Variants in DDX41 observed in about 807,000 individuals in gnomAD.
DDX41 encodes probable ATP-dependent RNA helicase DDX41.
In DDX41, 50 loss-of-function variants were observed where a neutral mutation model predicts 78.8. The observed-to-expected ratio is 0.63, with a 90% confidence interval of 0.51 to 0.80. DDX41 has a LOEUF of 0.80. Ranked by LOEUF, DDX41 falls within the 30% of genes least tolerant of loss-of-function variation. The probability of loss-of-function intolerance (pLI) is 0.00; values close to 1 mark genes in which losing one functional copy is unlikely to be tolerated. For missense variants in DDX41, 633 were observed against 849.2 expected, an observed-to-expected ratio of 0.75 and a Z score of 3.16; for synonymous variants, 381 against 321.5, an observed-to-expected ratio of 1.19 and a Z score of -1.98.
intron 6 of DDX41, 26 bp from the exon 7 acceptor site, chr5:177,515,284 T>A (rs1445282925): frequency 6.2e-7 from 1 of 1,613,236 alleles, no homozygotes; most frequent in Admixed American, 1.7e-5. Context: ...GACATCGTCT[T>A]CATGACTCAC....
At position 177,514,426 on chromosome 5, in the gene DDX41, A is replaced by C; in HGVS notation, c.935+275T>G. 1 of 546,856 alleles carries C rather than the reference A, an allele frequency of 1.8e-6. No individual in the cohort carries two copies. The highest frequency in any genetic ancestry group is 2.0e-5 in the South Asian group (1 of 50,262). 33.9% of individuals were successfully genotyped at this position (546,856 alleles called of 1,614,324 possible). On this transcript the variant is annotated intron_variant, in intron 9 of 16. Coordinates refer to ENST00000330503, the MANE Select transcript of DDX41 (RefSeq NM_016222.4). This position sits in a 1 kb window ranked among gnomAD's most constrained non-coding sequence, Gnocchi z 4.2. ...CCTGGACTGCCCCTCTTCCCAATTC[A>C]AATGTCACCTTCCCGGAAAAGCCTT... is the stretch of plus-strand genomic sequence containing the variant.
In DDX41 at chr5:177,513,724, G is replaced by A. The variant is rs1761090655; in HGVS notation, c.1059C>T (p.Gly353=). 4 of 1,613,646 alleles carry A rather than the reference G, an allele frequency of 2.5e-6. No homozygotes were observed. Among genetic ancestry groups the A allele is most frequent in the Admixed American group, 1.7e-5 (1 of 60,006 alleles). Reference sequence around the variant, plus strand: ...AGATGGTACGGATGTCACCCTCGAAGCCCATGTCGATCATGCGGTCAGCCT... The same window carrying A: ...AGATGGTACGGATGTCACCCTCGAAACCCATGTCGATCATGCGGTCAGCCT... ...LDEADRMIDM[G]FEGDIRTIFS... The change falls in exon 10 of 17, where the codon GGC becomes GGT. Residue 353 remains glycine (G), a synonymous_variant. Coordinates refer to ENST00000330503, the MANE Select transcript of DDX41 (RefSeq NM_016222.4). The surrounding 1 kb of genome is among the most constrained non-coding windows in gnomAD (Gnocchi z 4.6).
rs192736058 is a variant in DDX41, at chr5:177,511,749, T to C, written c.*42A>G. ...CTGTATGTGTAGACTGGTGGCAGTC[T>C]TGGGGACTGAGGCCTCTTGGAGAGA... On this transcript the variant is annotated 3_prime_UTR_variant, in exon 17 of 17. Coordinates refer to ENST00000330503, the MANE Select transcript of DDX41 (RefSeq NM_016222.4). 6.2e-7 allele frequency: 1 copy of C among 1,602,118 alleles called. No homozygotes were observed. Among genetic ancestry groups the C allele is most frequent in the East Asian group, 2.2e-5 (1 of 44,672 alleles).
chr5:177,516,624 A>C, intron 2 of DDX41, 101 bp downstream of exon 2: 2 of 1,393,566 alleles, frequency 1.4e-6, no homozygotes, highest in Non-Finnish European at 2.0e-6. Context: ...ACTGAAGCTC[A>C]CTCCTCAGAC....
chr5:177,516,728 T>C lies in DDX41; in HGVS notation c.135A>G (p.Leu45=). 1.3e-6 allele frequency: 2 copies of C among 1,598,190 alleles called. No homozygotes were observed. The highest frequency in any genetic ancestry group is 2.2e-5 in the South Asian group (2 of 89,222). Residue 45 remains leucine, a synonymous_variant, in exon 2 of 17, where the codon CTA becomes CTG. Transcript: ENST00000330503. ...TCCCCGGACGCGTGCCCCTCACCAG[T>C]AGCTGCCGGCGCTGCCGTAACGGCA... ...PYVPLRQRRQ[L]LLQKLLQRRR...
Position 177,516,902 on chromosome 5 carries a change from T to C in DDX41, c.27+17A>G, listed in dbSNP as rs772000036. 6.2e-7 allele frequency: 1 copy of C among 1,613,004 alleles called. No homozygotes were observed. The highest frequency in any genetic ancestry group is 1.7e-5 in the Admixed American group (1 of 60,006). ...CACGCCCGCTCCCACACGCGCGGGG[T>C]CTCGCCTCTCTCCTACCTTCCGTTC... On this transcript the variant is annotated intron_variant, in intron 1 of 16. Transcript: ENST00000330503.
rs776128416 is a variant in DDX41 at position 177,512,148 on chromosome 5, C to T, written c.1680G>A (p.Pro560=). ...ALLLEAKQKV[P]PVLQVLHCGD... ...CGCAATGCAGCACCTGCAGCACGGG[C>T]GGCACCTTCTGCTTGGCTTCTAGCA... The change falls in exon 16 of 17, where the codon CCG becomes CCA. Residue 560 remains proline (P), a synonymous_variant. Transcript: ENST00000330503. 26 of 1,613,476 alleles carry T rather than the reference C, an allele frequency of 1.6e-5. No individual in the cohort carries two copies. The South Asian group carries it at 2.2e-4, about 14-fold the overall frequency.
In DDX41 at chr5:177,516,372, C is replaced by G. The variant is rs752494819; in HGVS notation, c.214G>C (p.Gly72Arg). 7.4e-6 allele frequency: 12 copies of G among 1,614,074 alleles called. No homozygotes were observed. Among genetic ancestry groups the G allele is most frequent in the South Asian group, 1.1e-5 (1 of 91,082 alleles). Residue 72 changes from glycine to arginine, a missense_variant, in exon 3 of 17, where the codon GGA becomes CGA. Physicochemically the swap from Gly to Arg is moderately radical, Grantham distance 125. Transcript: ENST00000330503. ...CCTAGCGGGATGTCGTCCTCATCTC[C>G]CCGGGGTTCACTACCGCTGTCCTGC... is the stretch of plus-strand genomic sequence containing the variant. ...EQQDSGSEPR[G>R]DEDDIPLGPQ...
Position 177,513,855 on chromosome 5 carries a change from C to G in DDX41, c.936-8G>C. The G allele has an allele frequency of 6.2e-7, 1 of 1,613,160 alleles. No individual in the cohort carries two copies. Among genetic ancestry groups the G allele is most frequent in the Non-Finnish European group, 8.5e-7 (1 of 1,179,736 alleles). On this transcript the variant is annotated splice_region_variant and splice_polypyrimidine_tract_variant and intron_variant, in intron 9 of 16. Coordinates refer to ENST00000330503, the MANE Select transcript of DDX41 (RefSeq NM_016222.4). This position sits in a 1 kb window ranked among gnomAD's most constrained non-coding sequence, Gnocchi z 4.6. ...ACCATCATGTGTACACCGCTGGGGA[C>G]CAAGGAGAGACCCTGAGGTTGGGGC...
rs1357952661 is a variant in DDX41, at chr5:177,511,816, AG to A, written c.1843del (p.Leu615TrpfsTer?). ...TCAGAAGTCCATGGAGCTGTGGGCCAGGTAGTCCTTGCGACCGATGTTGCTG... is the reference window on the plus strand; with the variant it reads ...TCAGAAGTCCATGGAGCTGTGGGCCAGTAGTCCTTGCGACCGATGTTGCTG... ...QVSNIGRKDY[L>X]AHSSMDF is the part of the protein sequence containing the mutation. On this transcript the variant is annotated frameshift_variant, in exon 17 of 17. Transcript: ENST00000330503. LOFTEE classifies it high-confidence loss of function. 6.2e-7 allele frequency: 1 copy of A among 1,614,180 alleles called. No homozygotes were observed. Among genetic ancestry groups the A allele is most frequent in the East Asian group, 2.2e-5 (1 of 44,884 alleles).
Position 177,516,211 on chromosome 5 carries a change from AGAT to A in DDX41, c.299-21_299-19del, listed in dbSNP as rs751076501. The A allele has an allele frequency of 1.9e-6, 3 of 1,614,006 alleles. No homozygotes were observed. The highest frequency in any genetic ancestry group is 2.7e-5 in the African/African-American group (2 of 74,932). ...TTTGCGCGCTGAGAAAAGAAGTGGA[AGAT>A]GTCAGACAGATACCAAAACGGTGTA... On this transcript the variant is annotated intron_variant, in intron 3 of 16. Transcript: ENST00000330503.
rs746166328 is a variant in DDX41 at position 177,515,739 on chromosome 5, C to T, written c.517G>A (p.Gly173Arg). The T allele has an allele frequency of 2.5e-5, 40 of 1,614,026 alleles. No individual in the cohort carries two copies. Among genetic ancestry groups the T allele is most frequent in the Non-Finnish European group, 3.3e-5 (39 of 1,180,046 alleles). ...VRKKYHILVEGDGIPPPIKSF... is the reference protein window; with the variant it reads ...VRKKYHILVERDGIPPPIKSF... Reference sequence around the variant, plus strand: ...TTGATGGGTGGTGGGATACCGTCTCCCTCCACCAGGATGTGGTATTTCTTC... The same window carrying T: ...TTGATGGGTGGTGGGATACCGTCTCTCTCCACCAGGATGTGGTATTTCTTC... Residue 173 changes from glycine (G) to arginine (R), a missense_variant, in exon 6 of 17, where the codon GGA becomes AGA. Physicochemically the swap from Gly to Arg is moderately radical, Grantham distance 125. Coordinates refer to ENST00000330503, the MANE Select transcript of DDX41 (RefSeq NM_016222.4).
chr5:177,513,981 C>T lies in DDX41; in HGVS notation c.936-134G>A, dbSNP rs1001297169. On this transcript the variant is annotated intron_variant, in intron 9 of 16. Transcript: ENST00000330503. The surrounding 1 kb of genome is among the most constrained non-coding windows in gnomAD (Gnocchi z 4.6). ...TTGTCTGTCCCCTTCTCATCATTCCCACCACCTGCCCTATGTATAGCACAC... is the reference window on the plus strand; with the variant it reads ...TTGTCTGTCCCCTTCTCATCATTCCTACCACCTGCCCTATGTATAGCACAC... 7.9e-6 allele frequency: 7 copies of T among 887,410 alleles called. No homozygotes were observed. The African/African-American group carries it at 8.3e-5, about 10-fold the overall frequency. 55.0% of individuals were successfully genotyped at this position (887,410 alleles called of 1,614,324 possible). A position where few individuals can be genotyped will look rare whatever the true frequency, so the allele number is the denominator to read the frequency against.
rs753842883 is a variant in DDX41, at chr5:177,516,274, G to A, written c.298+14C>T. 20 of 1,614,032 alleles carry A rather than the reference G, an allele frequency of 1.2e-5. No individual in the cohort carries two copies. The highest frequency in any genetic ancestry group is 1.7e-5 in the Admixed American group (1 of 60,006). ...GCTTCTTCTTTCTCGCCCAGGCAGT[G>A]CTGCCCAGCCCACCTTCAGCCTTCT... On this transcript the variant is annotated intron_variant, in intron 3 of 16. Coordinates refer to ENST00000330503, the MANE Select transcript of DDX41 (RefSeq NM_016222.4).
At chr5:177,515,653 A>G in intron 6 of DDX41, 32 bp downstream of exon 6, 1 of 1,611,142 alleles carries the variant, frequency 6.2e-7, no homozygotes, top group Middle Eastern at 1.7e-4. Flanking sequence ...TTGATTATAA[A>G]AGTGTGGTAT....
chr5:177,515,631 C>A lies in DDX41; in HGVS notation c.571+54G>T, dbSNP rs190906726. 149 of 1,600,648 alleles carry A rather than the reference C, an allele frequency of 9.3e-5. No homozygotes were observed. The African/African-American group carries it at 1.6e-3, about 17-fold the overall frequency. On this transcript the variant is annotated intron_variant, in intron 6 of 16. Transcript: ENST00000330503. Reference sequence around the variant, plus strand: ...GAGCTCAGTGGGAGCCAGGACATAACCTCACAGGCATTTGATTATAAAAGT... The same window carrying A: ...GAGCTCAGTGGGAGCCAGGACATAAACTCACAGGCATTTGATTATAAAAGT...
In DDX41 at chr5:177,511,802, T is replaced by C. The variant is rs745374460; in HGVS notation, c.1858A>G (p.Met620Val). The C allele has an allele frequency of 6.2e-7, 1 of 1,614,090 alleles. No individual in the cohort carries two copies. The highest frequency in any genetic ancestry group is 8.5e-7 in the Non-Finnish European group (1 of 1,180,010). The change falls in exon 17 of 17, where the codon ATG (methionine) becomes GTG (valine). Residue 620 changes from methionine to valine, a missense_variant. Met to Val is a conservative substitution (Grantham distance 21). Coordinates refer to ENST00000330503, the MANE Select transcript of DDX41 (RefSeq NM_016222.4). ...GGAAGACTGTCGGCTCAGAAGTCCATGGAGCTGTGGGCCAGGTAGTCCTTG... is the reference window on the plus strand; with the variant it reads ...GGAAGACTGTCGGCTCAGAAGTCCACGGAGCTGTGGGCCAGGTAGTCCTTG... ...GRKDYLAHSS[M>V]DF
chr5:177,513,824 G>A lies in DDX41; in HGVS notation c.959C>T (p.Thr320Ile), dbSNP rs2127436611. 1.9e-6 allele frequency: 3 copies of A among 1,613,662 alleles called. No individual in the cohort carries two copies. Among genetic ancestry groups the A allele is most frequent in the Non-Finnish European group, 1.7e-6 (2 of 1,179,990 alleles). ...IRHGVHMMVATPGRLMDLLQK... is the reference protein window; with the variant it reads ...IRHGVHMMVAIPGRLMDLLQK... ...CAGCAAATCCATGAGGCGCCCCGGG[G>A]TGGCCACCATCATGTGTACACCGCT... Residue 320 changes from threonine (T) to isoleucine (I), a missense_variant, in exon 10 of 17, where the codon ACC (threonine) becomes ATC (isoleucine). By Grantham distance (89) the Thr-to-Ile change is moderately conservative (BLOSUM62 -1). This residue lies in a region of DDX41 where 151 missense variants were observed against 169.2 expected (regional missense o/e 0.89). Transcript: ENST00000330503. This position sits in a 1 kb window ranked among gnomAD's most constrained non-coding sequence, Gnocchi z 4.6.
Position 177,513,171 on chromosome 5 carries a change from G to T in DDX41, c.1231-89C>A. The T allele has an allele frequency of 1.3e-6, 2 of 1,537,698 alleles. No individual in the cohort carries two copies. The highest frequency in any genetic ancestry group is 3.5e-4 in the Middle Eastern group (2 of 5,738). On this transcript the variant is annotated intron_variant, in intron 11 of 16. Transcript: ENST00000330503. The surrounding 1 kb of genome is among the most constrained non-coding windows in gnomAD (Gnocchi z 4.6). Reference sequence around the variant, plus strand: ...TGGCCCGTCATCTGGACCAGGAGGTGACCAGAAGCCTCTGGCCGCCAAGGG... The same window carrying T: ...TGGCCCGTCATCTGGACCAGGAGGTTACCAGAAGCCTCTGGCCGCCAAGGG...
Sources: gnomAD v4.1 joint callset for allele counts on GRCh38, gnomAD v4.1.1 for gene constraint, gnomAD v4.1.1 regional missense constraint, Gnocchi (gnomAD v3.1) non-coding constraint, MANE v1.5 for transcripts, NCBI Gene and HGNC (gene_info 2026-07-23, HGNC 2026-07-21) for gene names.